The following CEP128 variants were observed in gnomAD, a reference collection of about 807,000 sequenced individuals.
CEP128 encodes centrosomal protein 128kDa.
CEP128 carries 132 observed loss-of-function variants against 156.7 expected under a neutral mutation model. The ratio of observed to expected loss-of-function variants is 0.84; its 90% CI spans 0.73 to 0.97. The LOEUF (loss-of-function observed/expected upper bound fraction) is 0.97. Among genes scored for constraint, CEP128 ranks in the 50% least tolerant of loss-of-function variants. CEP128 has a pLI of 0.00. For missense variants in CEP128, 1,252 were observed against 1,281.9 expected (o/e 0.98, Z 0.36); for synonymous variants, 469 against 448.9 (o/e 1.04, Z -0.57).
chr14:80,630,409 AG>A (rs1893912401), intron 19 of CEP128, among the ~76,000 whole-genome samples: 1 of 151,992 alleles, frequency 6.6e-6, no homozygotes, highest in Admixed American at 6.6e-5. Context: ...AAAATTTTAT[AG>A]GCATTAGAGT....
At chr14:80,512,553 C>T (rs1249939619) in intron 23 of CEP128, among the ~76,000 whole-genome samples, 4 of 151,808 alleles carry the variant, frequency 2.6e-5, no homozygotes, top group East Asian at 3.9e-4. Context: ...CATTCTGTGT[C>T]TTCTGATTGG....
At chr14:80,608,021 G>A (rs1218581212) in intron 19 of CEP128, among the ~76,000 whole-genome samples, 1 of 152,126 alleles carries the variant, frequency 6.6e-6, no homozygotes, top group African/African-American at 2.4e-5. Context: ...CAGGGCCTTT[G>A]CTGCAACGAG....
chr14:80,922,887 A>G (rs140849082), intron 2 of CEP128, among the ~76,000 whole-genome samples: 35 of 152,384 alleles, frequency 2.3e-4, no homozygotes, highest in African/African-American at 7.0e-4. Flanking sequence ...GTTAAAGCTG[A>G]GAAAGGTATT....
chr14:80,683,162 AC>A (rs1896389367), intron 19 of CEP128, among the ~76,000 whole-genome samples: 2 of 152,180 alleles, frequency 1.3e-5, no homozygotes, highest in Non-Finnish European at 2.9e-5. Flanking sequence ...TAAATGTCCA[AC>A]TTTAAAGGCA....
chr14:80,596,850 G>GA (rs1159003854), intron 19 of CEP128, among the ~76,000 whole-genome samples: 4 of 123,200 alleles, frequency 3.2e-5, no homozygotes, highest in African/African-American at 1.5e-4. Context: ...AAAGGTGGGG[G>GA]GGGGAGGAAA....
intron 8 of CEP128, among the ~76,000 whole-genome samples, chr14:80,878,376 G>A (rs73342126): frequency 0.083 from 12,639 of 152,186 alleles, 586 homozygotes; most frequent in African/African-American, 0.11. Context: ...CCTCTTCAAG[G>A]AATGGAGTCA....
chr14:80,503,115 T>C (rs1196785271), intron 24 of CEP128, among the ~76,000 whole-genome samples: 1 of 152,128 alleles, frequency 6.6e-6, no homozygotes, highest in African/African-American at 2.4e-5. Flanking sequence ...AGAAAAATAG[T>C]AAAACAAGAC....
chr14:80,589,516 T>C (rs572655590), intron 19 of CEP128, among the ~76,000 whole-genome samples: 6 of 152,262 alleles, frequency 3.9e-5, no homozygotes, highest in East Asian at 1.9e-4. Context: ...AGGTCTTTCA[T>C]GGCAAAACTT....
chr14:80,750,670 G>A (rs1298993565), intron 18 of CEP128, among the ~76,000 whole-genome samples: 1 of 151,978 alleles, frequency 6.6e-6, no homozygotes, highest in Non-Finnish European at 1.5e-5. Context: ...TACTACCTAT[G>A]GTCACTGCTA....
chr14:80,827,889 A>G (rs1458029892), intron 13 of CEP128, among the ~76,000 whole-genome samples: 1 of 152,062 alleles, frequency 6.6e-6, no homozygotes, highest in Non-Finnish European at 1.5e-5. Context: ...AGTTTTTGCA[A>G]TTACTTTTGC....
intron 9 of CEP128, among the ~76,000 whole-genome samples, chr14:80,859,037 C>T (rs1248855267): frequency 4.0e-5 from 6 of 151,614 alleles, no homozygotes; most frequent in Non-Finnish European, 8.8e-5. Flanking sequence ...CCCAGCCATC[C>T]CATTACTGGG....
In CEP128 at chr14:80,678,045, A is replaced by ATATATATATATAT. The variant is rs1555390192; in HGVS notation, c.2806+65029_2806+65030insATATATATATATA. The stretch of plus-strand genomic sequence containing the variant: ...CAACATGGACAGTTGCTCTATAAAA[A>ATATATATATATAT]AAAAATATATATATATATGTATATA... On this transcript the variant is annotated intron_variant, in intron 19 of 24. Transcript: ENST00000555265. Among the ~76,000 whole-genome samples, 20 of 30,684 alleles carry ATATATATATATAT rather than the reference A, an allele frequency of 6.5e-4. 2 individuals are homozygous for ATATATATATATAT. The highest frequency in any genetic ancestry group is 5.2e-3 in the South Asian group (3 of 582). 20.1% of individuals were successfully genotyped at this position (30,684 alleles called of 152,430 possible). A position where few individuals can be genotyped will look rare whatever the true frequency, so the allele number is the denominator to read the frequency against.
At chr14:80,601,065 T>C (rs1441867847) in intron 19 of CEP128, among the ~76,000 whole-genome samples, 1 of 150,396 alleles carries the variant, frequency 6.6e-6, no homozygotes, top group Non-Finnish European at 1.5e-5. Context: ...AAGAAAAAAC[T>C]CAAAAATAAA....
At chr14:80,612,447 T>C (rs1893030684) in intron 19 of CEP128, among the ~76,000 whole-genome samples, 1 of 152,228 alleles carries the variant, frequency 6.6e-6, no homozygotes, top group South Asian at 2.1e-4. Flanking sequence ...CCTTGTTTAT[T>C]CCATTAGATC....
chr14:80,673,013 T>G (rs776673547), intron 19 of CEP128, among the ~76,000 whole-genome samples: 16 of 152,186 alleles, frequency 1.1e-4, no homozygotes, highest in Non-Finnish European at 1.9e-4. Context: ...AAGTACGTGA[T>G]GGTTAGAAAT....
At chr14:80,692,255 G>C (rs1896744755) in intron 19 of CEP128, among the ~76,000 whole-genome samples, 1 of 152,166 alleles carries the variant, frequency 6.6e-6, no homozygotes, top group African/African-American at 2.4e-5. Flanking sequence ...CAGAAGTTTA[G>C]TTGGGTAAAA....
At chr14:80,761,805 G>C (rs78462419) in intron 16 of CEP128, among the ~76,000 whole-genome samples, 192 bp from the exon 17 acceptor site, 7,585 of 152,066 alleles carry the variant, frequency 0.05, 215 homozygotes, top group Non-Finnish European at 0.065. Flanking sequence ...TTCCATCGTA[G>C]GGCAGTTTGG....
chr14:80,821,345 G>C (rs1885157788), intron 13 of CEP128, among the ~76,000 whole-genome samples: 2 of 152,142 alleles, frequency 1.3e-5, no homozygotes, highest in South Asian at 4.1e-4. Flanking sequence ...TCATTATAAA[G>C]AATACCAACC....
chr14:80,527,247 G>A, intron 22 of CEP128: 1 of 506,358 alleles, frequency 2.0e-6, no homozygotes, highest in Non-Finnish European at 3.8e-6. Flanking sequence ...TGGGCAACAT[G>A]GTGAAACCTC....
Sources: gnomAD v4.1 joint callset for allele counts (sites outside exome capture counted in the v4.1 genomes callset) on GRCh38, gnomAD v4.1.1 for gene constraint, MANE v1.5 for transcripts, NCBI Gene and HGNC (gene_info 2026-07-23, HGNC 2026-07-21) for gene names.